The following HLA-DRB5 variants were observed in gnomAD, a reference collection of about 807,000 sequenced individuals.
The protein encoded by HLA-DRB5 is major histocompatibility complex, class II, DR beta 5.
HLA-DRB5 carries 11 observed loss-of-function variants against 22.4 expected under a neutral mutation model. The observed-to-expected ratio is 0.49, with a 90% confidence interval of 0.31 to 0.81. The LOEUF is 0.81. Ranked by LOEUF, HLA-DRB5 falls within the 40% of genes least tolerant of loss-of-function variation. HLA-DRB5 has a pLI of 0.05. For synonymous variants in HLA-DRB5, 57 were observed against 106.0 expected (o/e 0.54, Z 2.84); for missense variants, 106 against 274.4 (o/e 0.39, Z 4.34).
chr6:32,520,897 G>A (rs114067545), intron 2 of HLA-DRB5, among the ~76,000 whole-genome samples: 12,311 of 49,338 alleles, frequency 0.25, 2,723 homozygotes, highest in Admixed American at 0.31. Context: ...ACAGTACAAA[G>A]AACCCACAAA....
At chr6:32,519,885 G>A (rs72508435) in intron 2 of HLA-DRB5, among the ~76,000 whole-genome samples, 1 of 80,244 alleles carries the variant, frequency 1.2e-5, no homozygotes, top group Non-Finnish European at 2.5e-5. Flanking sequence ...TTGAAATTGG[G>A]ATGCATTGTC....
chr6:32,525,687 AT>A lies in HLA-DRB5; in HGVS notation c.101-3514del, dbSNP rs1451653754. ...ACTGGGTTTTACTTATAACCTTTCA[AT>A]TTTAGATTCCAGAGATGTACATGTT... On this transcript the variant is annotated intron_variant, in intron 1 of 5. Coordinates refer to ENST00000374975, the MANE Select transcript of HLA-DRB5 (RefSeq NM_002125.4). Among the ~76,000 whole-genome samples the A allele has an allele frequency of 1.8e-5, 2 of 109,090 alleles. 1 individual carries two copies. Among genetic ancestry groups the A allele is most frequent in the Non-Finnish European group, 3.9e-5 (2 of 51,774 alleles). 71.6% of individuals were successfully genotyped at this position (109,090 alleles called of 152,430 possible). A position where few individuals can be genotyped will look rare whatever the true frequency, so the allele number is the denominator to read the frequency against.
intron 1 of HLA-DRB5, among the ~76,000 whole-genome samples, chr6:32,523,232 A>ACC (rs1769178135): frequency 2.7e-5 from 1 of 36,746 alleles, no homozygotes; most frequent in African/African-American, 9.9e-5. Flanking sequence ...AAATTTGTTC[A>ACC]TAAAACTTAT....
At chr6:32,520,119 T>A (rs796220144) in intron 2 of HLA-DRB5, among the ~76,000 whole-genome samples, 4,275 of 41,462 alleles carry the variant, frequency 0.1, 1,445 homozygotes, top group East Asian at 0.14. Context: ...TATAAAACAA[T>A]GACTGAAGAT....
At chr6:32,525,388 T>A (rs1418587989) in intron 1 of HLA-DRB5, among the ~76,000 whole-genome samples, 800 of 32,776 alleles carry the variant, frequency 0.024, 108 homozygotes, top group Middle Eastern at 0.079. Context: ...TTTTAATTTT[T>A]TGATCCCTAT....
chr6:32,518,756 G>A (rs113924159), intron 3 of HLA-DRB5, 90 bp from the exon 4 acceptor site: 49,191 of 324,858 alleles, frequency 0.15, 160 homozygotes, highest in Admixed American at 0.22. Context: ...TGAAAATGGG[G>A]AAGAAGGCTG....
intron 2 of HLA-DRB5, among the ~76,000 whole-genome samples, chr6:32,520,875 G>A (rs1477528950): frequency 1.3e-5 from 1 of 76,022 alleles, no homozygotes; most frequent in Non-Finnish European, 2.6e-5. Context: ...TCAATAAAGT[G>A]TTAATAATCT....
chr6:32,525,679 A>T (rs116427677), intron 1 of HLA-DRB5, among the ~76,000 whole-genome samples: 12,637 of 74,096 alleles, frequency 0.17, 1,721 homozygotes, highest in Admixed American at 0.25. Context: ...TTTACTTATA[A>T]CCTTTCAATT....
intron 1 of HLA-DRB5, among the ~76,000 whole-genome samples, chr6:32,525,704 T>A (rs1278954427): frequency 0.1 from 11,115 of 106,474 alleles, 167 homozygotes; most frequent in East Asian, 0.15. Flanking sequence ...ATTCCAGAGA[T>A]GTACATGTTT....
intron 1 of HLA-DRB5, among the ~76,000 whole-genome samples, chr6:32,524,749 A>G (rs796331826): frequency 0.063 from 5,139 of 81,586 alleles, 6 homozygotes; most frequent in East Asian, 0.14. Context: ...AGTCACTGTC[A>G]CTGTGGCTTG....
chr6:32,527,098 T>C (rs1428098609), intron 1 of HLA-DRB5, among the ~76,000 whole-genome samples: 2,170 of 28,402 alleles, frequency 0.076, 149 homozygotes, highest in Admixed American at 0.09. Context: ...ACTAGTGAAC[T>C]CAAGCCTATT....
chr6:32,526,973 T>C (rs867704236), intron 1 of HLA-DRB5, among the ~76,000 whole-genome samples: 12,484 of 37,194 alleles, frequency 0.34, 3,950 homozygotes, highest in Admixed American at 0.44. Flanking sequence ...CCACCACCTT[T>C]CACTAATTTG....
chr6:32,519,560 G>T lies in HLA-DRB5; in HGVS notation c.462C>A (p.Gly154=). The T allele has an allele frequency of 6.8e-7, 1 of 1,463,908 alleles. No homozygotes were observed. The highest frequency in any genetic ancestry group is 9.2e-7 in the Non-Finnish European group (1 of 1,084,564). The allele number at this position is 1,463,908 out of a possible 1,614,324, so 90.7% of individuals were successfully genotyped here. ...LVCSVNGFYP[G]SIEVRWFRNS... ...TCCGGAACCACCTGACTTCAATGCTGCCTGGATAGAAACCATTCACAGAGC... is the reference window on the plus strand; with the variant it reads ...TCCGGAACCACCTGACTTCAATGCTTCCTGGATAGAAACCATTCACAGAGC... The change falls in exon 3 of 6, where the codon GGC becomes GGA. Residue 154 remains glycine, a synonymous_variant. Transcript: ENST00000374975.
At chr6:32,519,188 C>T (rs192955957) in intron 3 of HLA-DRB5, among the ~76,000 whole-genome samples, 182 bp downstream of exon 3, 1,988 of 53,298 alleles carry the variant, frequency 0.037, 19 homozygotes, top group Middle Eastern at 0.06. Context: ...TGACTGCTTC[C>T]CCAGAGGATA....
rs750660307 is a variant in HLA-DRB5, at chr6:32,521,886, C to T, written c.370+19G>A. On this transcript the variant is annotated intron_variant, in intron 2 of 5. Coordinates refer to ENST00000374975, the MANE Select transcript of HLA-DRB5 (RefSeq NM_002125.4). ...TCCCAGCTCACAAGGACCCAGGCCC[C>T]GCCCCCCACCATGCTCACCTCGCCG... The T allele has an allele frequency of 3.0e-6, 4 of 1,344,094 alleles. No homozygotes were observed. In the South Asian group the frequency reaches 3.8e-5, roughly 13 times the overall value. 83.3% of individuals were successfully genotyped at this position (1,344,094 alleles called of 1,614,324 possible).
rs115356556 is a variant in HLA-DRB5 at position 32,528,832 on chromosome 6, G to A, written c.100+1293C>T. Among the ~76,000 whole-genome samples, 23 of 20,272 alleles carry A rather than the reference G, an allele frequency of 1.1e-3. 1 individual carries two copies. The highest frequency in any genetic ancestry group is 2.6e-3 in the Admixed American group (4 of 1,568). 13.3% of individuals were successfully genotyped at this position (20,272 alleles called of 152,430 possible). On this transcript the variant is annotated intron_variant, in intron 1 of 5. Coordinates refer to ENST00000374975, the MANE Select transcript of HLA-DRB5 (RefSeq NM_002125.4). Reference sequence around the variant, plus strand: ...ATTAGTTGGGCTTGTAGTCTCCGCTGCTCTGGAGGCTGAGGAGGAAGGATA... The same window carrying A: ...ATTAGTTGGGCTTGTAGTCTCCGCTACTCTGGAGGCTGAGGAGGAAGGATA...
intron 1 of HLA-DRB5, 61 bp downstream of exon 1, chr6:32,530,064 T>TCG (rs1770182313): frequency 1.4e-6 from 1 of 719,516 alleles, no homozygotes. Context: ...GGGCACAATG[T>TCG]TAACAAAACT....
intron 1 of HLA-DRB5, among the ~76,000 whole-genome samples, chr6:32,527,059 T>TACATG (rs1210821254): frequency 3.7e-5 from 1 of 27,156 alleles, no homozygotes; most frequent in Non-Finnish European, 7.4e-5. Context: ...GTAAGCAAAA[T>TACATG]CCACTTTATC....
At chr6:32,524,461 C>T (rs78098131) in intron 1 of HLA-DRB5, among the ~76,000 whole-genome samples, 12,004 of 88,800 alleles carry the variant, frequency 0.14, 425 homozygotes, top group East Asian at 0.17. Context: ...TAGCAGGCAT[C>T]AAATTACCAG....
Sources: allele counts gnomAD v4.1 joint callset (sites outside exome capture counted in the v4.1 genomes callset), GRCh38; gene constraint gnomAD v4.1.1; transcripts MANE v1.5; gene names NCBI Gene and HGNC (gene_info 2026-07-23, HGNC 2026-07-21).